CCDC88C: variants seen among roughly 807,000 people sequenced by gnomAD.
The protein encoded by CCDC88C is protein Daple.
In CCDC88C, 131 loss-of-function variants were observed where a neutral mutation model predicts 198.8. That is an observed-to-expected ratio of 0.66 (90% confidence interval 0.57 to 0.76). The LOEUF (loss-of-function observed/expected upper bound fraction) is 0.76, where lower values mean the gene tolerates loss of function less well. Ranked by LOEUF, CCDC88C falls within the 30% of genes least tolerant of loss-of-function variation. The probability of loss-of-function intolerance (pLI) is 0.00; values close to 1 mark genes in which losing one functional copy is unlikely to be tolerated. For missense variants in CCDC88C, 2,553 were observed against 2,631.6 expected, an observed-to-expected ratio of 0.97 and a Z score of 0.65; for synonymous variants, 1,166 against 1,114.7, an observed-to-expected ratio of 1.05 and a Z score of -0.92.
At chr14:91,357,268 T>C (rs1894078478) in intron 4 of CCDC88C, among the ~76,000 whole-genome samples, 1 of 152,188 alleles carries the variant, frequency 6.6e-6, no homozygotes. Context: ...AATTAACTAA[T>C]TAAAGATGGA....
chr14:91,305,071 A>G (rs575434376), intron 19 of CCDC88C, among the ~76,000 whole-genome samples: 6 of 152,248 alleles, frequency 3.9e-5, no homozygotes, highest in African/African-American at 1.4e-4. Context: ...GTGAAATCCC[A>G]TCTCTACTAA....
chr14:91,399,882 TC>T (rs1195899225), intron 3 of CCDC88C, among the ~76,000 whole-genome samples: 1 of 144,582 alleles, frequency 6.9e-6, no homozygotes, highest in East Asian at 2.0e-4. Context: ...GTAGTTGAGA[TC>T]CCTAAGCACC....
In CCDC88C at chr14:91,359,662, A is replaced by G; in HGVS notation, c.320T>C (p.Ile107Thr). The G allele has an allele frequency of 5.0e-6, 8 of 1,609,004 alleles. No individual in the cohort carries two copies. Among genetic ancestry groups the G allele is most frequent in the Non-Finnish European group, 5.9e-6 (7 of 1,177,796 alleles). ...IVMNLPNVLM[I>T]GRDPLSGKSM... Reference sequence around the variant, plus strand: ...CTCACCAGACAGTGGGTCTCTGCCAATCATCAAAACATTGGGCAAATTCAT... The same window carrying G: ...CTCACCAGACAGTGGGTCTCTGCCAGTCATCAAAACATTGGGCAAATTCAT... Residue 107 changes from isoleucine (I) to threonine (T), a missense_variant, in exon 4 of 30, where the codon ATT becomes ACT. Ile to Thr is a moderately conservative substitution (Grantham distance 89, BLOSUM62 -1). Transcript: ENST00000389857.
intron 4 of CCDC88C, among the ~76,000 whole-genome samples, chr14:91,344,161 T>C (rs1893418740): frequency 6.6e-6 from 1 of 152,226 alleles, no homozygotes. Context: ...TGTACATAAC[T>C]ATTTGAAGCC....
At chr14:91,374,818 G>A (rs1416375384) in intron 3 of CCDC88C, among the ~76,000 whole-genome samples, 1 of 152,192 alleles carries the variant, frequency 6.6e-6, no homozygotes, top group South Asian at 2.1e-4. Flanking sequence ...TGGGTTCCAG[G>A]CACAGATGAC....
rs533458145 is a variant in CCDC88C at position 91,357,562 on chromosome 14, G to A, written c.340+2080C>T. On this transcript the variant is annotated intron_variant, in intron 4 of 29. Transcript: ENST00000389857. ...CTTTTGCTCCTCCACTGTCTCCAGG[G>A]CAGACGGAGTGGCTGTCCCCTCCTT... 2.6e-5 allele frequency among the ~76,000 whole-genome samples: 4 copies of A among 152,262 alleles called. No homozygotes were observed. The East Asian group carries it at 7.7e-4, about 29-fold the overall frequency.
chr14:91,308,621 G>T, intron 16 of CCDC88C, 129 bp from the exon 17 acceptor site: 1 of 997,448 alleles, frequency 1.0e-6, no homozygotes, highest in Non-Finnish European at 1.5e-6. Context: ...TTTTGGCCCA[G>T]AAGAACTCAC....
intron 3 of CCDC88C, among the ~76,000 whole-genome samples, chr14:91,370,785 G>A (rs777724663): frequency 6.6e-6 from 1 of 152,192 alleles, no homozygotes; most frequent in Non-Finnish European, 1.5e-5. Context: ...CAACAGCAGA[G>A]GGATGCTGAG....
chr14:91,416,925 G>T, intron 1 of CCDC88C, 87 bp from the exon 2 acceptor site: 1 of 885,792 alleles, frequency 1.1e-6, no homozygotes, highest in Non-Finnish European at 1.8e-6. Context: ...GAGACTGGAC[G>T]GGTCAGTGTG....
chr14:91,314,645 C>T (rs568373340), intron 14 of CCDC88C, among the ~76,000 whole-genome samples: 22 of 152,270 alleles, frequency 1.4e-4, no homozygotes, highest in South Asian at 1.2e-3. Flanking sequence ...CTAAGGTAGC[C>T]GTGTATCCCA....
intron 3 of CCDC88C, among the ~76,000 whole-genome samples, chr14:91,366,825 G>A (rs1361994659): frequency 1.3e-5 from 2 of 152,224 alleles, no homozygotes; most frequent in South Asian, 2.1e-4. Context: ...AGAGGTCCCA[G>A]AAAAGGCCCA....
intron 3 of CCDC88C, among the ~76,000 whole-genome samples, chr14:91,399,838 C>CA (rs71120133): frequency 0.19 from 14,044 of 74,918 alleles, 1,199 homozygotes; most frequent in Admixed American, 0.25. Flanking sequence ...GACTCCCTCT[C>CA]AAAAAAAAAA....
chr14:91,339,737 G>A lies in CCDC88C; in HGVS notation c.624+147C>T. On this transcript the variant is annotated intron_variant, in intron 7 of 29. Transcript: ENST00000389857. This position sits in a 1 kb window ranked among gnomAD's most constrained non-coding sequence, Gnocchi z 5.8. ...CCCGAGGTGACCATGCACTGCAGGG[G>A]CCGTAACCAGGGAAAGCACGCACGT... 9.6e-7 allele frequency: 1 copy of A among 1,044,592 alleles called. No individual in the cohort carries two copies. Among genetic ancestry groups the A allele is most frequent in the South Asian group, 1.7e-5 (1 of 59,540 alleles). 64.7% of individuals were successfully genotyped at this position (1,044,592 alleles called of 1,614,324 possible). A position where few individuals can be genotyped will look rare whatever the true frequency, so the allele number is the denominator to read the frequency against.
intron 3 of CCDC88C, chr14:91,408,036 C>CTGAGTAG (rs1886598103): frequency 1.7e-5 from 2 of 115,388 alleles, no homozygotes; most frequent in African/African-American, 6.9e-5. Context: ...CCTCGGCCTC[C>CTGAGTAG]CAAAGTGCTG....
At chr14:91,377,551 C>A (rs918059627) in intron 3 of CCDC88C, among the ~76,000 whole-genome samples, 11 of 152,234 alleles carry the variant, frequency 7.2e-5, no homozygotes, top group South Asian at 2.1e-4. Context: ...GATGGCCCCC[C>A]CCCGGTGCCA....
intron 2 of CCDC88C, among the ~76,000 whole-genome samples, chr14:91,412,822 ATTG>A (rs1567130346): frequency 6.6e-6 from 1 of 152,152 alleles, no homozygotes; most frequent in African/African-American, 2.4e-5. Flanking sequence ...ATAGGTAAAA[ATTG>A]TTTTTTCCCA....
At position 91,339,501 on chromosome 14, in the gene CCDC88C, G is replaced by T; in HGVS notation, c.625-39C>A. 6.4e-7 allele frequency: 1 copy of T among 1,566,422 alleles called. No individual in the cohort carries two copies. Among genetic ancestry groups the T allele is most frequent in the South Asian group, 1.2e-5 (1 of 85,472 alleles). ...GAGAGGGGGATGGAGGAGAACAAAC[G>T]GGGTTAACCAGCACAACGCCTGAGC... On this transcript the variant is annotated intron_variant, in intron 7 of 29. Coordinates refer to ENST00000389857, the MANE Select transcript of CCDC88C (RefSeq NM_001080414.4). The surrounding 1 kb of genome is among the most constrained non-coding windows in gnomAD (Gnocchi z 5.8).
intron 16 of CCDC88C, among the ~76,000 whole-genome samples, chr14:91,309,177 G>A (rs1389590662): frequency 6.6e-6 from 1 of 152,176 alleles, no homozygotes; most frequent in African/African-American, 2.4e-5. Context: ...TTTCATCACT[G>A]AGCCGGGATC....
chr14:91,365,383 G>T (rs1469751778), intron 3 of CCDC88C, among the ~76,000 whole-genome samples: 1 of 152,192 alleles, frequency 6.6e-6, no homozygotes, highest in Non-Finnish European at 1.5e-5. Flanking sequence ...CACCTACGGT[G>T]GCCCCTCACG....
Sources: allele counts gnomAD v4.1 joint callset (sites outside exome capture counted in the v4.1 genomes callset), GRCh38; gene constraint gnomAD v4.1.1; non-coding constraint Gnocchi (gnomAD v3.1); transcripts MANE v1.5; gene names NCBI Gene and HGNC (gene_info 2026-07-23, HGNC 2026-07-21).